FGFBP3: variants seen among roughly 807,000 people sequenced by gnomAD.
FGFBP3 encodes the protein fibroblast growth factor-binding protein 3.
A neutral mutation model predicts 4.8 loss-of-function variants in FGFBP3; 4 were observed. The observed-to-expected ratio is 0.83, with a 90% CI of 0.41 to 1.90. The LOEUF is 1.90. Among genes scored for constraint, FGFBP3 ranks in the 40% most tolerant of loss-of-function variants. FGFBP3 has a pLI of 0.03. For missense variants in FGFBP3, 429 were observed against 397.4 expected (o/e 1.08, Z -0.68); for synonymous variants, 215 against 190.0 (o/e 1.13, Z -1.08).
Position 91,908,534 on chromosome 10 carries a change from G to A in FGFBP3, c.436C>T (p.Arg146Trp). Reference protein sequence around the residue: ...AGKKGHGAELRLVPRASPPAR... With the variant: ...AGKKGHGAELWLVPRASPPAR... ...GGCGGGGACGCGCGGGGCACTAGCC[G>A]CAGCTCGGCGCCGTGGCCCTTCTTG... The change falls in exon 2 of 2, where the codon CGG becomes TGG. Residue 146 changes from arginine to tryptophan, a missense_variant. Physicochemically the swap from Arg to Trp is moderately radical, Grantham distance 101 (BLOSUM62 -3). Transcript: ENST00000311575. 7.3e-7 allele frequency: 1 copy of A among 1,375,482 alleles called. No individual in the cohort carries two copies. Among genetic ancestry groups the A allele is most frequent in the Non-Finnish European group, 9.3e-7 (1 of 1,072,002 alleles). 85.2% of individuals were successfully genotyped at this position (1,375,482 alleles called of 1,614,324 possible). A position where few individuals can be genotyped will look rare whatever the true frequency, so the allele number is the denominator to read the frequency against.
Position 91,908,921 on chromosome 10 carries a change from G to A in FGFBP3, c.49C>T (p.Leu17=). 6.2e-7 allele frequency: 1 copy of A among 1,605,200 alleles called. No individual in the cohort carries two copies. The highest frequency in any genetic ancestry group is 1.1e-5 in the South Asian group (1 of 89,904). The change falls in exon 2 of 2, where the codon CTG becomes TTG. Residue 17 remains leucine (L), a synonymous_variant. Transcript: ENST00000311575. The part of the protein sequence containing the change: ...RASLSPSLLL[L]LSGCLLAAAR... ...GCCGCGAGGAGGCAACCACTCAGCAGCAGCAGCAGCGACGGCGACAGCGAC... is the reference window on the plus strand; with the variant it reads ...GCCGCGAGGAGGCAACCACTCAGCAACAGCAGCAGCGACGGCGACAGCGAC...
In FGFBP3 at chr10:91,908,717, C is replaced by A; in HGVS notation, c.253G>T (p.Gly85Trp). The A allele has an allele frequency of 7.3e-7, 1 of 1,378,350 alleles. No homozygotes were observed. The highest frequency in any genetic ancestry group is 9.3e-7 in the Non-Finnish European group (1 of 1,074,822). The allele number at this position is 1,378,350 out of a possible 1,614,324, so 85.4% of individuals were successfully genotyped here. A position where few individuals can be genotyped will look rare whatever the true frequency, so the allele number is the denominator to read the frequency against. Residue 85 changes from glycine (G) to tryptophan (W), a missense_variant, in exon 2 of 2, where the codon GGG becomes TGG. Transcript: ENST00000311575. ...ELALRCQSPD[G>W]ARHQCAYRGH... ...CGGTAGGCGCACTGGTGGCGCGCCC[C>A]GTCCGGGCTCTGGCAGCGCAGCGCC...
chr10:91,908,690 C>A lies in FGFBP3; in HGVS notation c.280G>T (p.Gly94Trp), dbSNP rs1044344783. Residue 94 changes from glycine to tryptophan, a missense_variant, in exon 2 of 2, where the codon GGG becomes TGG. Gly to Trp is a radical substitution (Grantham distance 184, BLOSUM62 -2). Coordinates refer to ENST00000311575, the MANE Select transcript of FGFBP3 (RefSeq NM_152429.5). ...TAGGCTGCGCAGCGCTCCGGATGCC[C>A]GCGGTAGGCGCACTGGTGGCGCGCC... ...DGARHQCAYR[G>W]HPERCAAYAA... 1.4e-6 allele frequency: 2 copies of A among 1,415,310 alleles called. No individual in the cohort carries two copies. The highest frequency in any genetic ancestry group is 1.5e-5 in the African/African-American group (1 of 66,660). The allele number at this position is 1,415,310 out of a possible 1,614,324, so 87.7% of individuals were successfully genotyped here.
chr10:91,908,785 T>A lies in FGFBP3; in HGVS notation c.185A>T (p.Gln62Leu). The change falls in exon 2 of 2, where the codon CAG becomes CTG. Residue 62 changes from glutamine (Q) to leucine (L), a missense_variant. Physicochemically the swap from Gln to Leu is moderately radical, Grantham distance 113. Transcript: ENST00000311575. ...LSPEQHACSW[Q>L]LLLPAPEAAA... is the part of the protein sequence containing the mutation. The stretch of plus-strand genomic sequence containing the variant: ...GGCCTCCGGGGCGGGCAGCAGGAGC[T>A]GCCAGCTGCACGCGTGCTGCTCGGG... The A allele has an allele frequency of 7.0e-7, 1 of 1,426,226 alleles. No individual in the cohort carries two copies. Among genetic ancestry groups the A allele is most frequent in the Non-Finnish European group, 9.1e-7 (1 of 1,100,632 alleles). The allele number at this position is 1,426,226 out of a possible 1,614,324, so 88.3% of individuals were successfully genotyped here.
In FGFBP3 at chr10:91,908,681, C is replaced by T. The variant is rs1471838319; in HGVS notation, c.289G>A (p.Glu97Lys). 1.5e-5 allele frequency: 21 copies of T among 1,424,124 alleles called. No individual in the cohort carries two copies. The highest frequency in any genetic ancestry group is 2.4e-4 in the Middle Eastern group (1 of 4,104). 88.2% of individuals were successfully genotyped at this position (1,424,124 alleles called of 1,614,324 possible). Reference protein sequence around the residue: ...RHQCAYRGHPERCAAYAARRA... With the variant: ...RHQCAYRGHPKRCAAYAARRA... ...CGAGCGGCGTAGGCTGCGCAGCGCT[C>T]CGGATGCCCGCGGTAGGCGCACTGG... The change falls in exon 2 of 2, where the codon GAG becomes AAG. Residue 97 changes from glutamate to lysine, a missense_variant. Glu to Lys is a moderately conservative substitution (Grantham distance 56, BLOSUM62 1). Transcript: ENST00000311575.
rs757710382 is a variant in FGFBP3, at chr10:91,908,685, A to T, written c.285T>A (p.His95Gln). Reference protein sequence around the residue: ...GARHQCAYRGHPERCAAYAAR... With the variant: ...GARHQCAYRGQPERCAAYAAR... ...CGGCGTAGGCTGCGCAGCGCTCCGG[A>T]TGCCCGCGGTAGGCGCACTGGTGGC... Residue 95 changes from histidine to glutamine, a missense_variant, in exon 2 of 2, where the codon CAT becomes CAA. Physicochemically the swap from His to Gln is conservative, Grantham distance 24 (BLOSUM62 0). Transcript: ENST00000311575. 4.2e-6 allele frequency: 6 copies of T among 1,422,466 alleles called. No homozygotes were observed. The highest frequency in any genetic ancestry group is 5.7e-5 in the Admixed American group (2 of 35,068). 88.1% of individuals were successfully genotyped at this position (1,422,466 alleles called of 1,614,324 possible). A position where few individuals can be genotyped will look rare whatever the true frequency, so the allele number is the denominator to read the frequency against.
rs905035584 is a variant in FGFBP3 at position 91,909,041 on chromosome 10, C to T, written c.-72G>A. ...GGCTGGACCAGGCAAAGAGCATTCC[C>T]CAGGACCTGCGGACAGAGGCAGAGA... On this transcript the variant is annotated 5_prime_UTR_variant, in exon 2 of 2. Transcript: ENST00000311575. 3.4e-6 allele frequency: 5 copies of T among 1,475,882 alleles called. No individual in the cohort carries two copies. Among genetic ancestry groups the T allele is most frequent in the Middle Eastern group, 2.1e-4 (1 of 4,760 alleles). 91.4% of individuals were successfully genotyped at this position (1,475,882 alleles called of 1,614,324 possible). A position where few individuals can be genotyped will look rare whatever the true frequency, so the allele number is the denominator to read the frequency against.
At position 91,908,434 on chromosome 10, in the gene FGFBP3, C is replaced by A. The variant is rs1589713065; in HGVS notation, c.536G>T (p.Arg179Leu). Residue 179 changes from arginine (R) to leucine (L), a missense_variant, in exon 2 of 2, where the codon CGT (arginine) becomes CTT (leucine). Physicochemically the swap from Arg to Leu is moderately radical, Grantham distance 102 (BLOSUM62 -2). Transcript: ENST00000311575. ...GGTCCCAGCGGCTGGGCCGGACGCA[C>A]GCTCCCGGGTCCGCCCCCGGTTCCG... ...RARNRGRTRE[R>L]ASGPAAGTPP... 1.3e-6 allele frequency: 2 copies of A among 1,501,244 alleles called. No homozygotes were observed. Among genetic ancestry groups the A allele is most frequent in the East Asian group, 5.4e-5 (2 of 37,230 alleles). 93.0% of individuals were successfully genotyped at this position (1,501,244 alleles called of 1,614,324 possible).
At position 91,908,224 on chromosome 10, in the gene FGFBP3, C is replaced by T; in HGVS notation, c.746G>A (p.Cys249Tyr). ...GTTCCAGAAATTGACAAAGAAGTTG[C>T]AGAGGGAGTGCCACTTCTCAGCGCA... The part of the protein sequence containing the change: ...TYCAEKWHSL[C>Y]NFFVNFWNG The change falls in exon 2 of 2, where the codon TGC becomes TAC. Residue 249 changes from cysteine (C) to tyrosine (Y), a missense_variant. Transcript: ENST00000311575. 6.2e-7 allele frequency: 1 copy of T among 1,604,700 alleles called. No individual in the cohort carries two copies. The highest frequency in any genetic ancestry group is 1.7e-5 in the Admixed American group (1 of 58,736).
At position 91,908,210 on chromosome 10, in the gene FGFBP3, T is replaced by C. The variant is rs1843313965; in HGVS notation, c.760A>G (p.Asn254Asp). ...AGGCAGTCTCAGCCGTTCCAGAAAT[T>C]GACAAAGAAGTTGCAGAGGGAGTGC... ...KWHSLCNFFV[N>D]FWNG Residue 254 changes from asparagine (N) to aspartate (D), a missense_variant, in exon 2 of 2, where the codon AAT becomes GAT. Asn to Asp is a conservative substitution (Grantham distance 23). Coordinates refer to ENST00000311575, the MANE Select transcript of FGFBP3 (RefSeq NM_152429.5). 6.3e-7 allele frequency: 1 copy of C among 1,599,374 alleles called. No individual in the cohort carries two copies. Among genetic ancestry groups the C allele is most frequent in the Non-Finnish European group, 8.5e-7 (1 of 1,173,408 alleles).
At chr10:91,909,183 T>TG (rs1311929717) in intron 1 of FGFBP3, 136 bp from the exon 2 acceptor site, 1 of 539,230 alleles carries the variant, frequency 1.9e-6, no homozygotes, top group African/African-American at 2.0e-5. Flanking sequence ...GGAGCTTTCC[T>TG]GGGGAAACTG....
At position 91,908,736 on chromosome 10, in the gene FGFBP3, C is replaced by T. The variant is rs1041970538; in HGVS notation, c.234G>A (p.Leu78=). 7.0e-5 allele frequency: 97 copies of T among 1,380,472 alleles called. No individual in the cohort carries two copies. Among genetic ancestry groups the T allele is most frequent in the Non-Finnish European group, 8.1e-5 (87 of 1,078,174 alleles). 85.5% of individuals were successfully genotyped at this position (1,380,472 alleles called of 1,614,324 possible). ...GCGCCCCGTCCGGGCTCTGGCAGCG[C>T]AGCGCCAGCTCGCTGCCCGCTGCGG... ...PEAAAGSELA[L]RCQSPDGARH... The change falls in exon 2 of 2, where the codon CTG becomes CTA. Residue 78 remains leucine, a synonymous_variant. Transcript: ENST00000311575.
chr10:91,907,956 C>T lies in FGFBP3; in HGVS notation c.*237G>A. The T allele has an allele frequency of 1.3e-5, 6 of 478,292 alleles. No homozygotes were observed. The highest frequency in any genetic ancestry group is 3.6e-5 in the South Asian group (1 of 28,162). 29.6% of individuals were successfully genotyped at this position (478,292 alleles called of 1,614,324 possible). A position where few individuals can be genotyped will look rare whatever the true frequency, so the allele number is the denominator to read the frequency against. ...CCTATTTCTGTTTCCATTATTTTTC[C>T]TGCTCTTAATCAGGACTGAGACTTT... On this transcript the variant is annotated 3_prime_UTR_variant, in exon 2 of 2. Transcript: ENST00000311575.
rs1216098059 is a variant in FGFBP3, at chr10:91,906,687, G to A, written c.*1506C>T. ...TCCACAGATTCAACAATGGATGGGA[G>A]GAAGGTGGGGAGGAAGGGAAAAAGA... On this transcript the variant is annotated 3_prime_UTR_variant, in exon 2 of 2. Coordinates refer to ENST00000311575, the MANE Select transcript of FGFBP3 (RefSeq NM_152429.5). The A allele has an allele frequency of 6.6e-6, 1 of 152,208 alleles. No homozygotes were observed. Among genetic ancestry groups the A allele is most frequent in the African/African-American group, 2.4e-5 (1 of 41,456 alleles). 9.4% of individuals were successfully genotyped at this position (152,208 alleles called of 1,614,324 possible).
In FGFBP3 at chr10:91,908,665, T is replaced by A; in HGVS notation, c.305A>T (p.Tyr102Phe). Reference sequence around the variant, plus strand: ...CCAGAAGTGCGCGCGGCGAGCGGCGTAGGCTGCGCAGCGCTCCGGATGCCC... The same window carrying A: ...CCAGAAGTGCGCGCGGCGAGCGGCGAAGGCTGCGCAGCGCTCCGGATGCCC... The part of the protein sequence containing the change: ...YRGHPERCAA[Y>F]AARRAHFWKQ... Residue 102 changes from tyrosine (Y) to phenylalanine (F), a missense_variant, in exon 2 of 2, where the codon TAC (tyrosine) becomes TTC (phenylalanine). Physicochemically the swap from Tyr to Phe is conservative, Grantham distance 22. Coordinates refer to ENST00000311575, the MANE Select transcript of FGFBP3 (RefSeq NM_152429.5). 7.0e-7 allele frequency: 1 copy of A among 1,433,680 alleles called. No homozygotes were observed. Among genetic ancestry groups the A allele is most frequent in the Non-Finnish European group, 9.1e-7 (1 of 1,097,202 alleles). 88.8% of individuals were successfully genotyped at this position (1,433,680 alleles called of 1,614,324 possible). A position where few individuals can be genotyped will look rare whatever the true frequency, so the allele number is the denominator to read the frequency against.
In FGFBP3 at chr10:91,908,161, C is replaced by A; in HGVS notation, c.*32G>T. On this transcript the variant is annotated 3_prime_UTR_variant, in exon 2 of 2. Transcript: ENST00000311575. ...TTAGCTTTCCCTTCCCCACGCCTCC[C>A]CCATCAACCCTCCCTAAGCCGGCAG... The A allele has an allele frequency of 1.9e-6, 3 of 1,589,070 alleles. No individual in the cohort carries two copies. The East Asian group carries it at 7.1e-5, about 37-fold the overall frequency.
Position 91,908,681 on chromosome 10 carries a change from C to A in FGFBP3, c.289G>T (p.Glu97Ter). 2.8e-6 allele frequency: 4 copies of A among 1,424,232 alleles called. No individual in the cohort carries two copies. The highest frequency in any genetic ancestry group is 3.7e-6 in the Non-Finnish European group (4 of 1,092,326). The allele number at this position is 1,424,232 out of a possible 1,614,324, so 88.2% of individuals were successfully genotyped here. ...CGAGCGGCGTAGGCTGCGCAGCGCT[C>A]CGGATGCCCGCGGTAGGCGCACTGG... ...RHQCAYRGHPERCAAYAARRA... is the reference protein window; with the variant it reads ...RHQCAYRGHP The change falls in exon 2 of 2, where the codon GAG becomes TAG. Residue 97 changes from glutamate (E) to a stop codon, truncating the protein, a stop_gained. Transcript: ENST00000311575. LOFTEE classifies it low-confidence loss of function (END_TRUNC).
Position 91,907,911 on chromosome 10 carries a change from T to G in FGFBP3, c.*282A>C. On this transcript the variant is annotated 3_prime_UTR_variant, in exon 2 of 2. Coordinates refer to ENST00000311575, the MANE Select transcript of FGFBP3 (RefSeq NM_152429.5). The stretch of plus-strand genomic sequence containing the variant: ...TCGATTTCTCTCCCCAGTCTCCAGT[T>G]TTTGCACATTTAAAGTACGCCTATT... The G allele has an allele frequency of 7.9e-6, 3 of 378,464 alleles. No homozygotes were observed. The highest frequency in any genetic ancestry group is 5.3e-5 in the East Asian group (1 of 18,824). The allele number at this position is 378,464 out of a possible 1,614,324, so 23.4% of individuals were successfully genotyped here.
Position 91,907,044 on chromosome 10 carries a change from C to G in FGFBP3, c.*1149G>C, listed in dbSNP as rs1443840394. The G allele has an allele frequency of 6.6e-6, 1 of 151,944 alleles. No homozygotes were observed. Among genetic ancestry groups the G allele is most frequent in the Non-Finnish European group, 1.5e-5 (1 of 68,010 alleles). 9.4% of individuals were successfully genotyped at this position (151,944 alleles called of 1,614,324 possible). On this transcript the variant is annotated 3_prime_UTR_variant, in exon 2 of 2. Transcript: ENST00000311575. ...AACTTCCATAATGGTCAAAATGACT[C>G]TGAGATACATACTTACATTTTAGCT...
Sources: gnomAD v4.1 joint callset for allele counts on GRCh38, gnomAD v4.1.1 for gene constraint, MANE v1.5 for transcripts, NCBI Gene and HGNC (gene_info 2026-07-23, HGNC 2026-07-21) for gene names.